The following RBL1 variants were observed in gnomAD, a reference collection of about 807,000 sequenced individuals.
RBL1 encodes RB transcriptional corepressor like 1.
A neutral mutation model predicts 123.0 loss-of-function variants in RBL1; 82 were observed. That is an observed-to-expected ratio of 0.67 (90% CI 0.56 to 0.80). The LOEUF is 0.80. Ranked by LOEUF, RBL1 falls within the 30% of genes least tolerant of loss-of-function variation. RBL1 has a pLI of 0.00. For missense variants in RBL1, 1,171 were observed against 1,299.6 expected (o/e 0.90, Z 1.52); for synonymous variants, 405 against 441.3 (o/e 0.92, Z 1.03).
At chr20:37,069,097 C>G (rs555092896) in intron 2 of RBL1, among the ~76,000 whole-genome samples, 3,272 of 152,366 alleles carry the variant, frequency 0.021, 44 homozygotes, top group Middle Eastern at 0.034. Context: ...GCCTCGGCCT[C>G]CCGAGGTGCC....
intron 1 of RBL1, among the ~76,000 whole-genome samples, chr20:37,089,817 G>C (rs553663307): frequency 2.0e-5 from 3 of 152,306 alleles, no homozygotes; most frequent in South Asian, 4.1e-4. Flanking sequence ...CTGGGAGGCT[G>C]GAGCGGGTGA....
rs910202270 is a variant in RBL1, at chr20:37,062,046, A to T, written c.1083+38T>A. 4 of 1,554,688 alleles carry T rather than the reference A, an allele frequency of 2.6e-6. No individual in the cohort carries two copies. The African/African-American group carries it at 5.5e-5, about 21-fold the overall frequency. ...AGTAGAATCACACACAGAGAGAAAA[A>T]GATCATTCAAGATTGAGGCCAGGCT... On this transcript the variant is annotated intron_variant, in intron 8 of 21. Transcript: ENST00000373664.
At chr20:37,075,565 C>G (rs1187507061) in intron 2 of RBL1, among the ~76,000 whole-genome samples, 1 of 152,072 alleles carries the variant, frequency 6.6e-6, no homozygotes, top group African/African-American at 2.4e-5. Context: ...AAGTGATTCT[C>G]CTCCCTCAGC....
intron 1 of RBL1, among the ~76,000 whole-genome samples, chr20:37,095,463 TCTTA>T (rs2065719801): frequency 1.3e-5 from 2 of 152,212 alleles, no homozygotes; most frequent in Non-Finnish European, 2.9e-5. Context: ...TTATATTTGT[TCTTA>T]CTGATTTAAG....
rs1460405316 is a variant in RBL1 at position 37,042,895 on chromosome 20, T to TC, written c.1770+1190dup. Among the ~76,000 whole-genome samples the TC allele has an allele frequency of 8.6e-3, 398 of 46,040 alleles. 13 individuals are homozygous for TC. Among genetic ancestry groups the TC allele is most frequent in the East Asian group, 0.083 (146 of 1,756 alleles). The allele number at this position is 46,040 out of a possible 152,430, so 30.2% of individuals were successfully genotyped here. On this transcript the variant is annotated intron_variant, in intron 13 of 21. Coordinates refer to ENST00000373664, the MANE Select transcript of RBL1 (RefSeq NM_002895.5). ...GCCTGGGTGACAGAGTGAGATCTTG[T>TC]CCCCCCCCCTCCAAAAAAAAAAAAA...
chr20:37,036,751 G>C (rs1472031768), intron 14 of RBL1, among the ~76,000 whole-genome samples: 3 of 149,982 alleles, frequency 2.0e-5, no homozygotes, highest in African/African-American at 7.4e-5. Context: ...TCAGCCTCCT[G>C]AGTAGCTGGA....
chr20:37,074,110 CAAAAT>C (rs1172892991), intron 2 of RBL1, among the ~76,000 whole-genome samples: 2 of 151,438 alleles, frequency 1.3e-5, no homozygotes, highest in Non-Finnish European at 2.9e-5. Flanking sequence ...GACACTGTCT[CAAAAT>C]AAACAAACAA....
intron 2 of RBL1, 109 bp from the exon 3 acceptor site, chr20:37,068,295 T>G (rs573780092): frequency 7.1e-7 from 1 of 1,413,070 alleles, no homozygotes; most frequent in Non-Finnish European, 9.4e-7. Flanking sequence ...AAAGCCAGAT[T>G]TCCCAGGCAA....
At chr20:37,012,646 A>C (rs1363805063) in intron 19 of RBL1, among the ~76,000 whole-genome samples, 2 of 141,312 alleles carry the variant, frequency 1.4e-5, no homozygotes, top group Non-Finnish European at 3.0e-5. Context: ...CCGTCTGGGA[A>C]GTGAGGAGCG....
At chr20:37,023,224 C>G (rs892297497) in intron 16 of RBL1, among the ~76,000 whole-genome samples, 6 of 151,916 alleles carry the variant, frequency 3.9e-5, no homozygotes, top group Non-Finnish European at 8.8e-5. Flanking sequence ...TGCATTCAAG[C>G]AATTCTCCTG....
chr20:37,076,883 G>T (rs186642226), intron 2 of RBL1, among the ~76,000 whole-genome samples: 105 of 151,512 alleles, frequency 6.9e-4, no homozygotes, highest in Non-Finnish European at 6.2e-4. Context: ...GAGAGCATAA[G>T]AAGTCCTTTA....
chr20:37,058,647 C>T (rs1157544342), intron 9 of RBL1, among the ~76,000 whole-genome samples: 2 of 152,126 alleles, frequency 1.3e-5, no homozygotes, highest in African/African-American at 4.8e-5. Context: ...TCAAGCAATA[C>T]ACCCACCCTG....
At chr20:37,070,306 G>C (rs972359133) in intron 2 of RBL1, among the ~76,000 whole-genome samples, 4 of 151,940 alleles carry the variant, frequency 2.6e-5, no homozygotes, top group Admixed American at 6.6e-5. Context: ...CTCCCTAATC[G>C]CAAGTTCCCA....
In RBL1 at chr20:37,057,004, TCTAC is replaced by T. The variant is rs58869678; in HGVS notation, c.1251-750_1251-747del. ...ATCTCTATTTCTTTCTATCTATCTA[TCTAC>T]CTACCTACCTACCTACCTACCTACC... On this transcript the variant is annotated intron_variant, in intron 9 of 21. Transcript: ENST00000373664. 4.1e-3 allele frequency among the ~76,000 whole-genome samples: 608 copies of T among 147,598 alleles called. 2 individuals carry two copies. Among genetic ancestry groups the T allele is most frequent in the East Asian group, 0.027 (131 of 4,860 alleles).
chr20:37,037,991 T>C (rs1208266193), intron 14 of RBL1, among the ~76,000 whole-genome samples: 2 of 133,746 alleles, frequency 1.5e-5, no homozygotes, highest in Non-Finnish European at 3.1e-5. Context: ...GGCCATTGTT[T>C]TTTTTTTTTT....
rs1474659461 is a variant in RBL1, at chr20:37,047,172, T to C, written c.1486A>G (p.Ile496Val). ...MDMSVLLEQD[I>V]FHRSLMACCL... ...CAAGCCATCAAGGAACGATGAAATA[T>C]ATCTTGCTCTAAAAGAACCTGGGGG... The change falls in exon 12 of 22, where the codon ATA becomes GTA. Residue 496 changes from isoleucine (I) to valine (V), a missense_variant. By Grantham distance (29) the Ile-to-Val change is conservative. Coordinates refer to ENST00000373664, the MANE Select transcript of RBL1 (RefSeq NM_002895.5). 1.9e-6 allele frequency: 3 copies of C among 1,594,898 alleles called. No individual in the cohort carries two copies. Among genetic ancestry groups the C allele is most frequent in the African/African-American group, 1.4e-5 (1 of 73,658 alleles).
intron 1 of RBL1, among the ~76,000 whole-genome samples, chr20:37,092,973 T>C (rs2065671682): frequency 6.6e-6 from 1 of 152,176 alleles, no homozygotes; most frequent in African/African-American, 2.4e-5. Flanking sequence ...TTTTCTGATC[T>C]CACAGAACTT....
intron 2 of RBL1, among the ~76,000 whole-genome samples, chr20:37,082,246 C>T (rs1416623278): frequency 6.6e-6 from 1 of 152,162 alleles, no homozygotes; most frequent in East Asian, 1.9e-4. Context: ...AGCCCTGCAC[C>T]TCAGTGGAGC....
intron 21 of RBL1, among the ~76,000 whole-genome samples, chr20:37,001,140 GC>G (rs1568808432): frequency 6.8e-6 from 1 of 148,046 alleles, no homozygotes; most frequent in African/African-American, 2.5e-5. Flanking sequence ...TCAGCCCCCC[GC>G]CCGGCCAGCC....
Sources: allele counts gnomAD v4.1 joint callset (sites outside exome capture counted in the v4.1 genomes callset), GRCh38; gene constraint gnomAD v4.1.1; transcripts MANE v1.5; gene names NCBI Gene and HGNC (gene_info 2026-07-23, HGNC 2026-07-21).